Variants in MCF2L2 observed in about 807,000 individuals in gnomAD.
MCF2L2 encodes the protein MCF.2 cell line derived transforming sequence-like 2.
A neutral mutation model predicts 150.2 loss-of-function variants in MCF2L2; 102 were observed. The observed-to-expected ratio is 0.68, with a 90% CI of 0.58 to 0.80. The LOEUF (loss-of-function observed/expected upper bound fraction) is 0.80, where lower values mean the gene tolerates loss of function less well. Among genes scored for constraint, MCF2L2 ranks in the 30% least tolerant of loss-of-function variants. MCF2L2 has a pLI of 0.00. For synonymous variants in MCF2L2, 465 were observed against 491.3 expected (o/e 0.95, Z 0.71); for missense variants, 1,256 against 1,372.8 (o/e 0.91, Z 1.34).
intron 5 of MCF2L2, among the ~76,000 whole-genome samples, chr3:183,328,534 A>G (rs1291986798): frequency 6.6e-6 from 1 of 151,950 alleles, no homozygotes; most frequent in African/African-American, 2.4e-5. Flanking sequence ...AAAAAAAAAA[A>G]GCAGCCTACA....
At chr3:183,301,793 C>CAAAAAAA (rs200514561) in intron 10 of MCF2L2, among the ~76,000 whole-genome samples, 1 of 124,346 alleles carries the variant, frequency 8.0e-6, no homozygotes, top group African/African-American at 3.0e-5. Flanking sequence ...GCTCTGTCTC[C>CAAAAAAA]AAAAAAAAAA....
chr3:183,330,947 C>T (rs1038025992), intron 5 of MCF2L2, among the ~76,000 whole-genome samples: 1 of 152,068 alleles, frequency 6.6e-6, no homozygotes, highest in Non-Finnish European at 1.5e-5. Context: ...GCATTTGTGG[C>T]CTCCATGACT....
chr3:183,315,498 TA>T (rs1359931451), intron 7 of MCF2L2, among the ~76,000 whole-genome samples: 1 of 152,218 alleles, frequency 6.6e-6, no homozygotes, highest in African/African-American at 2.4e-5. Context: ...ACAGGTTGGA[TA>T]GGGGGTGTTT....
rs765144363 is a variant in MCF2L2, at chr3:183,311,670, C to G, written c.856G>C (p.Glu286Gln). The G allele has an allele frequency of 1.9e-6, 3 of 1,614,044 alleles. No individual in the cohort carries two copies. Among genetic ancestry groups the G allele is most frequent in the Admixed American group, 3.3e-5 (2 of 60,006 alleles). The stretch of plus-strand genomic sequence containing the variant: ...CACCTTTCCATGGTAGTTACATTCT[C>G]AAGTTGGTTGAGATTGAGTTTGCTG... ...PNSKLNLNQL[E>Q]NVTTMERLLV... The change falls in exon 8 of 30, where the codon GAG becomes CAG. Residue 286 changes from glutamate to glutamine, a missense_variant. By Grantham distance (29) the Glu-to-Gln change is conservative. Transcript: ENST00000328913.
chr3:183,270,759 A>G lies in MCF2L2; in HGVS notation c.1862+6113T>C. On this transcript the variant is annotated intron_variant, in intron 15 of 29. Transcript: ENST00000328913. This position sits in a 1 kb window ranked among gnomAD's most constrained non-coding sequence, Gnocchi z 4.5. Reference sequence around the variant, plus strand: ...TCCCTGCATCTATGAAAAAATGATGACATCTCATGGACACTTAGAAGATCT... The same window carrying G: ...TCCCTGCATCTATGAAAAAATGATGGCATCTCATGGACACTTAGAAGATCT... 1.2e-6 allele frequency: 2 copies of G among 1,613,718 alleles called. No individual in the cohort carries two copies. Among genetic ancestry groups the G allele is most frequent in the Non-Finnish European group, 1.7e-6 (2 of 1,179,902 alleles).
intron 3 of MCF2L2, among the ~76,000 whole-genome samples, chr3:183,348,356 AACACATGG>A (rs1241713714): frequency 6.6e-6 from 1 of 151,112 alleles, no homozygotes; most frequent in Non-Finnish European, 1.5e-5. Context: ...GAACAATGAG[AACACATGG>A]ACACAGGGAG....
At chr3:183,347,217 A>G (rs1730933907) in intron 3 of MCF2L2, among the ~76,000 whole-genome samples, 1 of 152,178 alleles carries the variant, frequency 6.6e-6, no homozygotes, top group South Asian at 2.1e-4. Context: ...ATATAGACCA[A>G]TGGAACAGAA....
chr3:183,333,058 A>AT (rs1469637773), intron 5 of MCF2L2, among the ~76,000 whole-genome samples: 1 of 151,996 alleles, frequency 6.6e-6, no homozygotes, highest in Non-Finnish European at 1.5e-5. Flanking sequence ...ATTTTTATTT[A>AT]TTTTTTGAGA....
At chr3:183,199,745 T>C (rs1722202881) in intron 25 of MCF2L2, among the ~76,000 whole-genome samples, 1 of 151,802 alleles carries the variant, frequency 6.6e-6, no homozygotes, top group South Asian at 2.1e-4. Context: ...TTGCATTATG[T>C]ATATCCCCTA....
intron 2 of MCF2L2, among the ~76,000 whole-genome samples, chr3:183,384,121 T>C (rs964372966): frequency 4.6e-5 from 7 of 152,188 alleles, no homozygotes; most frequent in Non-Finnish European, 1.0e-4. Flanking sequence ...AGTAAGAACT[T>C]AATTTCTGTT....
At chr3:183,280,634 T>A (rs9813323) in intron 14 of MCF2L2, among the ~76,000 whole-genome samples, 24,400 of 151,834 alleles carry the variant, frequency 0.16, 5,736 homozygotes, top group African/African-American at 0.52. Flanking sequence ...AGATCACCTG[T>A]GGTCAGGAGT....
chr3:183,254,066 G>GCCCCGC (rs1475300664), intron 15 of MCF2L2: 3 of 151,928 alleles, frequency 2.0e-5, no homozygotes, highest in Non-Finnish European at 4.4e-5. Context: ...CGGCCCCTCC[G>GCCCCGC]CCCCGCCCCC....
In MCF2L2 at chr3:183,257,958, C is replaced by CTTTTTTTTTTTTTTTT. The variant is rs35323502; in HGVS notation, c.1862+18898_1862+18913dup. ...TATTCCTTGCTCCCTCCACTTCACC[C>CTTTTTTTTTTTTTTTT]TTTTTTTTTTTTTTTTTTTTTTTTT... On this transcript the variant is annotated intron_variant, in intron 15 of 29. Transcript: ENST00000328913. 1.4e-4 allele frequency among the ~76,000 whole-genome samples: 9 copies of CTTTTTTTTTTTTTTTT among 64,742 alleles called. 2 individuals are homozygous for CTTTTTTTTTTTTTTTT. The highest frequency in any genetic ancestry group is 4.9e-4 in the African/African-American group (7 of 14,400). The allele number at this position is 64,742 out of a possible 152,430, so 42.5% of individuals were successfully genotyped here. A position where few individuals can be genotyped will look rare whatever the true frequency, so the allele number is the denominator to read the frequency against.
In MCF2L2 at chr3:183,401,436, A is replaced by T. The variant is rs182326587; in HGVS notation, c.77-11657T>A. Among the ~76,000 whole-genome samples, 462 of 152,316 alleles carry T rather than the reference A, an allele frequency of 3.0e-3. 1 individual carries two copies. Among genetic ancestry groups the T allele is most frequent in the Admixed American group, 6.0e-3 (92 of 15,308 alleles). ...ACTTTTTTAAAAAAAAAATTTTTTT[A>T]AAGGTTTTTAACTTAATTTGGGGGG... is the stretch of plus-strand genomic sequence containing the variant. On this transcript the variant is annotated intron_variant, in intron 1 of 29. Transcript: ENST00000328913.
intron 7 of MCF2L2, among the ~76,000 whole-genome samples, chr3:183,313,232 A>AAC (rs111694523): frequency 0.4 from 60,103 of 149,242 alleles, 12,022 homozygotes; most frequent in Middle Eastern, 0.42. Context: ...AGCTTCCAGC[A>AAC]ACACACACAC....
chr3:183,427,074 C>T (rs1716200216), intron 1 of MCF2L2, among the ~76,000 whole-genome samples: 1 of 152,158 alleles, frequency 6.6e-6, no homozygotes, highest in African/African-American at 2.4e-5. Flanking sequence ...GCACAGTCAG[C>T]AACAGAGAAA....
intron 3 of MCF2L2, chr3:183,378,055 C>T (rs1372255463): frequency 6.6e-6 from 1 of 152,172 alleles, no homozygotes; most frequent in Admixed American, 6.5e-5. Flanking sequence ...AAAGAAAAAA[C>T]ATATTTTTCA....
intron 6 of MCF2L2, among the ~76,000 whole-genome samples, chr3:183,322,318 C>T (rs1729844532): frequency 6.6e-6 from 1 of 152,212 alleles, no homozygotes; most frequent in Non-Finnish European, 1.5e-5. Flanking sequence ...AGGAGGCTTT[C>T]GTTAGTCCGG....
In MCF2L2 at chr3:183,310,921, A is replaced by G. The variant is rs1393936765; in HGVS notation, c.987T>C (p.Phe329=). ...GTAAACAAGAAAAGAATACCTTACA[A>G]AAATCGTGCTCAAAATGCTGTAGTT... ...CLQLQHFEHD[F]CKAKLALDNL... is the part of the protein sequence containing the mutation. The change falls in exon 9 of 30, where the codon TTT becomes TTC. Residue 329 remains phenylalanine, a synonymous_variant. Transcript: ENST00000328913. 2 of 1,611,664 alleles carry G rather than the reference A, an allele frequency of 1.2e-6. No individual in the cohort carries two copies. Among genetic ancestry groups the G allele is most frequent in the Non-Finnish European group, 1.7e-6 (2 of 1,178,178 alleles).
Sources: allele counts gnomAD v4.1 joint callset (sites outside exome capture counted in the v4.1 genomes callset), GRCh38; gene constraint gnomAD v4.1.1; non-coding constraint Gnocchi (gnomAD v3.1); transcripts MANE v1.5; gene names NCBI Gene and HGNC (gene_info 2026-07-23, HGNC 2026-07-21).